PREX2: variants seen among roughly 807,000 people sequenced by gnomAD.
The protein encoded by PREX2 is phosphatidylinositol 3,4,5-trisphosphate-dependent Rac exchanger 2 protein.
In PREX2, 107 loss-of-function variants were observed where a neutral mutation model predicts 203.2. The ratio of observed to expected loss-of-function variants is 0.53; its 90% confidence interval spans 0.45 to 0.62. The LOEUF (loss-of-function observed/expected upper bound fraction) is 0.62, where lower values mean the gene tolerates loss of function less well. PREX2 is among the 20% of genes least tolerant of loss of function. The pLI, the probability that PREX2 is intolerant of heterozygous loss-of-function variation, is 0.00. For missense variants in PREX2, 1,777 were observed against 1,955.9 expected (o/e 0.91, Z 1.72); for synonymous variants, 672 against 663.6 (o/e 1.01, Z -0.19).
intron 6 of PREX2, among the ~76,000 whole-genome samples, chr8:68,035,280 C>A (rs1173575978): frequency 6.6e-6 from 1 of 152,074 alleles, no homozygotes; most frequent in Admixed American, 6.6e-5. Flanking sequence ...TTAAGAGACT[C>A]CTTTGATATC....
intron 7 of PREX2, among the ~76,000 whole-genome samples, chr8:68,038,669 T>C (rs1053664594): frequency 2.4e-4 from 36 of 152,234 alleles, no homozygotes; most frequent in Non-Finnish European, 4.4e-4. Context: ...TCCCAGCACA[T>C]GTGAAGTTCA....
At chr8:68,056,121 A>C (rs1289969059) in intron 10 of PREX2, 147 bp downstream of exon 10, 1 of 725,218 alleles carries the variant, frequency 1.4e-6, no homozygotes. Context: ...GGGCGGTAGC[A>C]GGATGAAGGA....
At chr8:68,036,378 G>A (rs1808031105) in intron 6 of PREX2, among the ~76,000 whole-genome samples, 2 of 152,148 alleles carry the variant, frequency 1.3e-5, no homozygotes, top group African/African-American at 4.8e-5. Context: ...ATCTGTGTAT[G>A]TTAATTTGAG....
chr8:67,989,009 T>C (rs1045172042), intron 1 of PREX2, among the ~76,000 whole-genome samples: 3 of 152,208 alleles, frequency 2.0e-5, no homozygotes, highest in Admixed American at 2.0e-4. Context: ...GGCCACTGTT[T>C]TGTGACCTCT....
chr8:68,098,016 A>C (rs1485765554), intron 22 of PREX2, among the ~76,000 whole-genome samples: 1 of 152,186 alleles, frequency 6.6e-6, no homozygotes, highest in Admixed American at 6.5e-5. Context: ...AAAGGACATC[A>C]CCTTTGCAGA....
At chr8:67,974,777 T>C (rs1195713910) in intron 1 of PREX2, among the ~76,000 whole-genome samples, 1 of 152,260 alleles carries the variant, frequency 6.6e-6, no homozygotes, top group African/African-American at 2.4e-5. Context: ...TGCAGTGATA[T>C]CATTTTAGAA....
At chr8:67,965,905 G>A (rs976990237) in intron 1 of PREX2, among the ~76,000 whole-genome samples, 1 of 152,176 alleles carries the variant, frequency 6.6e-6, no homozygotes, top group African/African-American at 2.4e-5. Context: ...TAAAATAGGA[G>A]AAGTTGATGT....
chr8:68,122,806 G>T (rs1181968899), intron 30 of PREX2, among the ~76,000 whole-genome samples: 1 of 152,062 alleles, frequency 6.6e-6, no homozygotes, highest in South Asian at 2.1e-4. Flanking sequence ...CCATGTAATT[G>T]TATGGTTTTG....
intron 6 of PREX2, among the ~76,000 whole-genome samples, chr8:68,035,502 T>A (rs1808002229): frequency 6.6e-6 from 1 of 152,160 alleles, no homozygotes; most frequent in African/African-American, 2.4e-5. Context: ...TAAACAGTTC[T>A]TAATGATTTT....
At chr8:68,124,419 A>G (rs1365939706) in intron 30 of PREX2, among the ~76,000 whole-genome samples, 1 of 152,164 alleles carries the variant, frequency 6.6e-6, no homozygotes, top group Non-Finnish European at 1.5e-5. Context: ...GTTCTCATTT[A>G]TAAGTGGAAG....
intron 6 of PREX2, among the ~76,000 whole-genome samples, chr8:68,035,265 A>G (rs1367373193): frequency 1.3e-5 from 2 of 152,024 alleles, no homozygotes; most frequent in Non-Finnish European, 1.5e-5. Flanking sequence ...TGCTTCATCA[A>G]TTTTTTAAGA....
chr8:68,149,686 A>G (rs1205290363), intron 34 of PREX2, among the ~76,000 whole-genome samples: 1 of 152,188 alleles, frequency 6.6e-6, no homozygotes, highest in Non-Finnish European at 1.5e-5. Flanking sequence ...ACTTAGCTGC[A>G]CATTAATGAT....
At chr8:68,137,553 G>A (rs1811136834) in intron 32 of PREX2, among the ~76,000 whole-genome samples, 1 of 152,130 alleles carries the variant, frequency 6.6e-6, no homozygotes, top group African/African-American at 2.4e-5. Context: ...TTACAGGTGT[G>A]AGCCACCGTG....
At chr8:68,036,815 T>A (rs1041924615) in intron 6 of PREX2, among the ~76,000 whole-genome samples, 1 of 152,014 alleles carries the variant, frequency 6.6e-6, no homozygotes, top group Non-Finnish European at 1.5e-5. Context: ...CGTGGTGGCA[T>A]GCCTGTAATC....
intron 1 of PREX2, among the ~76,000 whole-genome samples, chr8:68,017,518 A>T (rs1206014247): frequency 6.6e-6 from 1 of 152,080 alleles, no homozygotes; most frequent in Non-Finnish European, 1.5e-5. Flanking sequence ...TTTTCCATTA[A>T]ATTTTGGTCT....
rs560584022 is a variant in PREX2, at chr8:68,070,064, A to G, written c.1493+180A>G. Among the ~76,000 whole-genome samples, 4 of 151,896 alleles carry G rather than the reference A, an allele frequency of 2.6e-5. No homozygotes were observed. The South Asian group carries it at 8.3e-4, about 31-fold the overall frequency. On this transcript the variant is annotated intron_variant, in intron 13 of 39. Transcript: ENST00000288368. ...CCTACATTTTCTTAAGATTCTAATT[A>G]TATAGTGTTTTCCACTCTTTATTAT... is the stretch of plus-strand genomic sequence containing the variant.
At chr8:68,080,965 T>C in intron 17 of PREX2, 127 bp downstream of exon 17, 1 of 662,692 alleles carries the variant, frequency 1.5e-6, no homozygotes, top group Non-Finnish European at 2.7e-6. Flanking sequence ...ACATAATGTC[T>C]CTGGATAATC....
In PREX2 at chr8:67,972,544, C is replaced by A. The variant is rs929186525; in HGVS notation, c.141+20009C>A. On this transcript the variant is annotated intron_variant, in intron 1 of 39. Transcript: ENST00000288368. Reference sequence around the variant, plus strand: ...TAAGAAGCTAGGCTCCTGAAGGTTCCCCGTGACTATCTTTTAACCATACCT... The same window carrying A: ...TAAGAAGCTAGGCTCCTGAAGGTTCACCGTGACTATCTTTTAACCATACCT... Among the ~76,000 whole-genome samples the A allele has an allele frequency of 2.0e-5, 3 of 152,150 alleles. No individual in the cohort carries two copies. The East Asian group carries it at 5.8e-4, about 29-fold the overall frequency.
chr8:68,199,672 A>T (rs956927363), intron 37 of PREX2, among the ~76,000 whole-genome samples: 3 of 152,266 alleles, frequency 2.0e-5, no homozygotes, highest in African/African-American at 7.2e-5. Context: ...CTCTCACTTC[A>T]TATAAGCAAT....
Sources: gnomAD v4.1 joint callset for allele counts (sites outside exome capture counted in the v4.1 genomes callset) on GRCh38, gnomAD v4.1.1 for gene constraint, MANE v1.5 for transcripts, NCBI Gene and HGNC (gene_info 2026-07-23, HGNC 2026-07-21) for gene names.